Variants in PTCD2 observed in about 807,000 individuals in gnomAD.
The protein encoded by PTCD2 is pentatricopeptide repeat-containing protein 2, mitochondrial.
A neutral mutation model predicts 42.6 loss-of-function variants in PTCD2; 31 were observed. The ratio of observed to expected loss-of-function variants is 0.73; its 90% CI spans 0.55 to 0.98. PTCD2 has a LOEUF of 0.98. PTCD2 is among the 50% of genes least tolerant of loss of function. PTCD2 has a pLI of 0.00. For synonymous variants in PTCD2, 183 were observed against 170.9 expected (o/e 1.07, Z -0.55); for missense variants, 476 against 454.8 (o/e 1.05, Z -0.42).
chr5:72,342,859 C>A, intron 7 of PTCD2, 103 bp from the exon 8 acceptor site: 4 of 527,796 alleles, frequency 7.6e-6, no homozygotes, highest in Non-Finnish European at 1.3e-5. Flanking sequence ...ACTTCAAAAC[C>A]CTGAGGTCAC....
intron 3 of PTCD2, among the ~76,000 whole-genome samples, chr5:72,327,988 A>G (rs1751235907): frequency 1.3e-5 from 2 of 152,226 alleles, no homozygotes; most frequent in Admixed American, 6.5e-5. Flanking sequence ...CATTAATTTT[A>G]TAACATGAAA....
In PTCD2 at chr5:72,359,793, A is replaced by T. The variant is rs1441510947; in HGVS notation, c.*1366A>T. 3 of 152,100 alleles carry T rather than the reference A, an allele frequency of 2.0e-5. No homozygotes were observed. The highest frequency in any genetic ancestry group is 7.2e-5 in the African/African-American group (3 of 41,432). The allele number at this position is 152,100 out of a possible 1,614,324, so 9.4% of individuals were successfully genotyped here. On this transcript the variant is annotated 3_prime_UTR_variant, in exon 10 of 10. Transcript: ENST00000380639. ...TGGTAGAGCTGAGATTAGAATCCAGATTCCTAGTCTAGTATCCTTCCCACT... is the reference window on the plus strand; with the variant it reads ...TGGTAGAGCTGAGATTAGAATCCAGTTTCCTAGTCTAGTATCCTTCCCACT...
rs200845371 is a variant in PTCD2 at position 72,331,406 on chromosome 5, A to T, written c.468+31A>T. ...TGTTTCCTAATTGTTTTCTCTGCCA[A>T]TGTGTGTGTTTTTGGTGATATTGGA... On this transcript the variant is annotated intron_variant, in intron 4 of 9. Coordinates refer to ENST00000380639, the MANE Select transcript of PTCD2 (RefSeq NM_024754.5). The T allele has an allele frequency of 6.9e-4, 988 of 1,436,586 alleles. 13 individuals carry two copies. In the South Asian group the frequency reaches 7.5e-3, roughly 11 times the overall value. The allele number at this position is 1,436,586 out of a possible 1,614,324, so 89.0% of individuals were successfully genotyped here. A position where few individuals can be genotyped will look rare whatever the true frequency, so the allele number is the denominator to read the frequency against.
At chr5:72,357,890 T>C (rs979391217) in intron 9 of PTCD2, among the ~76,000 whole-genome samples, 1 of 151,226 alleles carries the variant, frequency 6.6e-6, no homozygotes, top group Non-Finnish European at 1.5e-5. Context: ...AAGGCTGGAG[T>C]ACAGTGGCAC....
Position 72,331,273 on chromosome 5 carries a change from C to T in PTCD2, c.366C>T (p.Asn122=). The change falls in exon 4 of 10, where the codon AAC becomes AAT. Residue 122 remains asparagine, a synonymous_variant. Coordinates refer to ENST00000380639, the MANE Select transcript of PTCD2 (RefSeq NM_024754.5). The part of the protein sequence containing the change: ...KNVIYRYHAE[N]KNFTLGEYKF... ...TCATTACCAGGTACCATGCAGAGAA[C>T]AAAAATTTCACTTTGGGGGAGTATA... 1 of 1,612,920 alleles carries T rather than the reference C, an allele frequency of 6.2e-7. No homozygotes were observed. Among genetic ancestry groups the T allele is most frequent in the Non-Finnish European group, 8.5e-7 (1 of 1,178,940 alleles).
intron 6 of PTCD2, among the ~76,000 whole-genome samples, chr5:72,336,206 C>G (rs541555848): frequency 6.6e-6 from 1 of 152,118 alleles, no homozygotes; most frequent in Non-Finnish European, 1.5e-5. Flanking sequence ...TCCCTGTTGT[C>G]CTTGTCTATG....
chr5:72,331,395 T>C lies in PTCD2; in HGVS notation c.468+20T>C. 6.7e-7 allele frequency: 1 copy of C among 1,496,818 alleles called. No homozygotes were observed. Among genetic ancestry groups the C allele is most frequent in the Non-Finnish European group, 9.3e-7 (1 of 1,073,028 alleles). 92.7% of individuals were successfully genotyped at this position (1,496,818 alleles called of 1,614,324 possible). ...GACCAGGTTATTGTTTCCTAATTGT[T>C]TTCTCTGCCAATGTGTGTGTTTTTG... On this transcript the variant is annotated intron_variant, in intron 4 of 9. Coordinates refer to ENST00000380639, the MANE Select transcript of PTCD2 (RefSeq NM_024754.5).
At position 72,345,469 on chromosome 5, in the gene PTCD2, C is replaced by G. The variant is rs112398234; in HGVS notation, c.828+2433C>G. Among the ~76,000 whole-genome samples, 3 of 152,074 alleles carry G rather than the reference C, an allele frequency of 2.0e-5. No individual in the cohort carries two copies. In the South Asian group the frequency reaches 6.2e-4, roughly 32 times the overall value. The stretch of plus-strand genomic sequence containing the variant: ...CATCCTCCTCAGTTTAAGAAGATGA[C>G]GGGATTAAGAGATTAAAGACAGGCA... On this transcript the variant is annotated intron_variant, in intron 8 of 9. Transcript: ENST00000380639.
intron 7 of PTCD2, 104 bp downstream of exon 7, chr5:72,338,839 A>C (rs1290131834): frequency 1.6e-6 from 1 of 626,796 alleles, no homozygotes; most frequent in African/African-American, 1.9e-5. Context: ...ATCGTAAAGA[A>C]GTAGTCACCA....
intron 3 of PTCD2, among the ~76,000 whole-genome samples, chr5:72,328,125 A>G (rs1163157057): frequency 6.6e-6 from 1 of 152,174 alleles, no homozygotes; most frequent in Non-Finnish European, 1.5e-5. Context: ...AACAACCCAC[A>G]CCAGAACTTA....
intron 3 of PTCD2, among the ~76,000 whole-genome samples, chr5:72,330,775 G>T (rs1751399827): frequency 6.6e-6 from 1 of 152,158 alleles, no homozygotes; most frequent in African/African-American, 2.4e-5. Context: ...GCTTAGAAAA[G>T]CAGAGAGTTG....
At chr5:72,321,794 C>T (rs1411553637) in intron 1 of PTCD2, among the ~76,000 whole-genome samples, 1 of 152,130 alleles carries the variant, frequency 6.6e-6, no homozygotes. Flanking sequence ...CTAAATATGC[C>T]TGTTTTGCAT....
chr5:72,334,295 A>G (rs1434639288), intron 4 of PTCD2, among the ~76,000 whole-genome samples: 3 of 152,054 alleles, frequency 2.0e-5, no homozygotes, highest in Admixed American at 2.0e-4. Context: ...TCCGTTGCCA[A>G]AAAAAGACCA....
chr5:72,363,202 T>G lies in PTCD2; in HGVS notation c.*4775T>G, dbSNP rs1372017131. Reference sequence around the variant, plus strand: ...GGTAAATGTTCAATCTTTTTGCGTATCTTCCTCCTACCTTTTCATAGCCAA... The same window carrying G: ...GGTAAATGTTCAATCTTTTTGCGTAGCTTCCTCCTACCTTTTCATAGCCAA... On this transcript the variant is annotated 3_prime_UTR_variant, in exon 10 of 10. Coordinates refer to ENST00000380639, the MANE Select transcript of PTCD2 (RefSeq NM_024754.5). 6.6e-6 allele frequency: 1 copy of G among 152,244 alleles called. No individual in the cohort carries two copies. Among genetic ancestry groups the G allele is most frequent in the Non-Finnish European group, 1.5e-5 (1 of 68,044 alleles). 9.4% of individuals were successfully genotyped at this position (152,244 alleles called of 1,614,324 possible).
chr5:72,357,241 A>G (rs996723933), intron 9 of PTCD2, among the ~76,000 whole-genome samples: 2 of 152,200 alleles, frequency 1.3e-5, no homozygotes, highest in Non-Finnish European at 2.9e-5. Context: ...CTTCTCTATC[A>G]GGAAATGATA....
At chr5:72,356,162 CA>C (rs1337472084) in intron 9 of PTCD2, among the ~76,000 whole-genome samples, 1 of 152,204 alleles carries the variant, frequency 6.6e-6, no homozygotes, top group East Asian at 1.9e-4. Flanking sequence ...TTTTAAAGTG[CA>C]TAGTCACGTG....
intron 6 of PTCD2, among the ~76,000 whole-genome samples, chr5:72,337,002 G>A (rs1201380302): frequency 4.6e-5 from 7 of 152,062 alleles, no homozygotes; most frequent in Non-Finnish European, 1.0e-4. Context: ...GGATAGCTGG[G>A]TTATAGTGGA....
At chr5:72,342,938 A>G in intron 7 of PTCD2, 24 bp from the exon 8 acceptor site, 2 of 1,464,448 alleles carry the variant, frequency 1.4e-6, no homozygotes, top group Non-Finnish European at 1.9e-6. Flanking sequence ...GATATGGAAT[A>G]TGATTTGTTT....
intron 4 of PTCD2, among the ~76,000 whole-genome samples, chr5:72,334,639 C>T (rs1220224337): frequency 6.6e-6 from 1 of 152,080 alleles, no homozygotes; most frequent in Non-Finnish European, 1.5e-5. Flanking sequence ...GCAGCCTCCA[C>T]CTCCTGGGTT....
Sources: gnomAD v4.1 joint callset for allele counts (sites outside exome capture counted in the v4.1 genomes callset) on GRCh38, gnomAD v4.1.1 for gene constraint, MANE v1.5 for transcripts, NCBI Gene and HGNC (gene_info 2026-07-23, HGNC 2026-07-21) for gene names.